Variants in GRIN2B observed in about 807,000 individuals in gnomAD.
GRIN2B encodes glutamate ionotropic receptor NMDA type subunit 2B.
GRIN2B carries 5 observed loss-of-function variants against 114.5 expected under a neutral mutation model. The observed-to-expected ratio is 0.04, with a 90% CI of 0.02 to 0.09. The LOEUF is 0.09. GRIN2B is among the 10% of genes least tolerant of loss of function. GRIN2B has a pLI of 1.00. For missense variants in GRIN2B, 1,108 were observed against 1,943.5 expected, an observed-to-expected ratio of 0.57 and a Z score of 8.08; for synonymous variants, 787 against 745.1, an observed-to-expected ratio of 1.06 and a Z score of -0.92.
At chr12:13,957,041 T>A (rs763942082) in intron 2 of GRIN2B, among the ~76,000 whole-genome samples, 2 of 152,146 alleles carry the variant, frequency 1.3e-5, no homozygotes, top group Non-Finnish European at 2.9e-5. Context: ...AAAAATAAAT[T>A]AGATTAAAAT....
In GRIN2B at chr12:13,564,933, C is replaced by T. The variant is rs1307343393; in HGVS notation, c.2599-294G>A. Among the ~76,000 whole-genome samples, 1 of 152,186 alleles carries T rather than the reference C, an allele frequency of 6.6e-6. No homozygotes were observed. The highest frequency in any genetic ancestry group is 1.5e-5 in the Non-Finnish European group (1 of 68,028). ...ATCATAAGATATGGCATTTTTGCCT[C>T]AGCTTCACTGTTGACTTACCGTGGT... On this transcript the variant is annotated intron_variant, in intron 13 of 13. Transcript: ENST00000609686. This position sits in a 1 kb window ranked among gnomAD's most constrained non-coding sequence, Gnocchi z 4.8.
At chr12:13,692,540 C>A (rs1464804951) in intron 4 of GRIN2B, among the ~76,000 whole-genome samples, 2 of 151,974 alleles carry the variant, frequency 1.3e-5, no homozygotes, top group African/African-American at 4.8e-5. Context: ...TTTCCTCCCA[C>A]ATCTCAAAGC....
intron 9 of GRIN2B, among the ~76,000 whole-genome samples, chr12:13,611,428 G>C (rs970817152): frequency 3.3e-5 from 5 of 152,186 alleles, no homozygotes; most frequent in African/African-American, 7.2e-5. Context: ...TATCAAAATA[G>C]TTTCCTGTGA....
rs1301940987 is a variant in GRIN2B at position 13,543,854 on chromosome 12, A to G, written c.*18929T>C. Reference sequence around the variant, plus strand: ...CCAGCCCACTTGCATCTGTGCCCAAATGCACTATCTCCCTGCTATTAATAC... The same window carrying G: ...CCAGCCCACTTGCATCTGTGCCCAAGTGCACTATCTCCCTGCTATTAATAC... On this transcript the variant is annotated 3_prime_UTR_variant, in exon 14 of 14. Coordinates refer to ENST00000609686, the MANE Select transcript of GRIN2B (RefSeq NM_000834.5). 1 of 152,162 alleles carries G rather than the reference A, an allele frequency of 6.6e-6. No individual in the cohort carries two copies. The highest frequency in any genetic ancestry group is 1.9e-4 in the East Asian group (1 of 5,188). The allele number at this position is 152,162 out of a possible 1,614,324, so 9.4% of individuals were successfully genotyped here.
intron 5 of GRIN2B, among the ~76,000 whole-genome samples, chr12:13,665,821 T>C (rs572362371): frequency 1.3e-5 from 2 of 152,322 alleles, no homozygotes; most frequent in East Asian, 1.9e-4. Flanking sequence ...ATCATTTATA[T>C]GTCTTTCCCA....
intron 2 of GRIN2B, among the ~76,000 whole-genome samples, chr12:13,924,941 G>T (rs990818894): frequency 9.9e-5 from 15 of 151,980 alleles, no homozygotes; most frequent in Non-Finnish European, 1.9e-4. Flanking sequence ...CACAGACATG[G>T]ACAAAACCTT....
intron 2 of GRIN2B, among the ~76,000 whole-genome samples, chr12:13,955,607 G>A (rs1867574721): frequency 6.6e-6 from 1 of 152,148 alleles, no homozygotes; most frequent in Non-Finnish European, 1.5e-5. Context: ...AGTCAGTTAT[G>A]CATCCAAATA....
intron 5 of GRIN2B, among the ~76,000 whole-genome samples, chr12:13,651,806 C>T (rs997655743): frequency 2.0e-5 from 3 of 152,094 alleles, no homozygotes; most frequent in Non-Finnish European, 2.9e-5. Context: ...AACAGATCCA[C>T]GTTTCTCTGA....
intron 2 of GRIN2B, among the ~76,000 whole-genome samples, chr12:13,940,222 C>A (rs1004325368): frequency 2.0e-5 from 3 of 152,094 alleles, no homozygotes; most frequent in African/African-American, 7.2e-5. Flanking sequence ...CCTGATGCCA[C>A]TTACACCCAC....
chr12:13,654,065 C>T (rs1949841712), intron 5 of GRIN2B, among the ~76,000 whole-genome samples: 1 of 152,104 alleles, frequency 6.6e-6, no homozygotes, highest in South Asian at 2.1e-4. Context: ...TGTACCTATG[C>T]TTCCAGTATT....
At chr12:13,879,147 G>A (rs1449542101) in intron 2 of GRIN2B, among the ~76,000 whole-genome samples, 3 of 152,144 alleles carry the variant, frequency 2.0e-5, no homozygotes, top group Non-Finnish European at 2.9e-5. Context: ...CCTAAGAAAT[G>A]CATCATTAGG....
At chr12:13,861,958 C>T (rs1160777848) in intron 3 of GRIN2B, among the ~76,000 whole-genome samples, 3 of 152,164 alleles carry the variant, frequency 2.0e-5, no homozygotes, top group Non-Finnish European at 4.4e-5. Flanking sequence ...TCCTCGACAA[C>T]CCTGTAATCA....
chr12:13,618,224 GT>G (rs1949469558), intron 5 of GRIN2B, among the ~76,000 whole-genome samples: 1 of 152,156 alleles, frequency 6.6e-6, no homozygotes, highest in African/African-American at 2.4e-5. Flanking sequence ...TCCTCTGCCA[GT>G]TTGGCCAGGT....
rs35602745 is a variant in GRIN2B, at chr12:13,543,915, CTA to C, written c.*18866_*18867del. Reference sequence around the variant, plus strand: ...GGTTAGTCCCCTGAAGCCAGTCCCTCTATGTTTGTATTGAATCCCATGCCCTC... The same window carrying C: ...GGTTAGTCCCCTGAAGCCAGTCCCTCTGTTTGTATTGAATCCCATGCCCTC... On this transcript the variant is annotated 3_prime_UTR_variant, in exon 14 of 14. Transcript: ENST00000609686. 0.29 allele frequency: 43,635 copies of C among 152,010 alleles called. 8,018 individuals are homozygous for C. The highest frequency in any genetic ancestry group is 0.48 in the Middle Eastern group (141 of 294). 9.4% of individuals were successfully genotyped at this position (152,010 alleles called of 1,614,324 possible).
chr12:13,584,101 G>A (rs920571462), intron 10 of GRIN2B, among the ~76,000 whole-genome samples: 4 of 152,154 alleles, frequency 2.6e-5, no homozygotes, highest in African/African-American at 9.7e-5. Context: ...AAGCGGCAGA[G>A]TCAGCCTCAT....
intron 3 of GRIN2B, among the ~76,000 whole-genome samples, chr12:13,863,351 A>G (rs1378466683): frequency 6.6e-6 from 1 of 152,202 alleles, no homozygotes; most frequent in Non-Finnish European, 1.5e-5. Flanking sequence ...GACATCCCCC[A>G]CAATGCCATC....
At chr12:13,965,801 T>C (rs1219044857) in intron 2 of GRIN2B, among the ~76,000 whole-genome samples, 2 of 152,194 alleles carry the variant, frequency 1.3e-5, no homozygotes, top group Non-Finnish European at 2.9e-5. Context: ...GGTAAAATGG[T>C]AATAATTGCA....
At chr12:13,790,233 ATAT>A (rs1864297545) in intron 3 of GRIN2B, among the ~76,000 whole-genome samples, 1 of 152,030 alleles carries the variant, frequency 6.6e-6, no homozygotes, top group African/African-American at 2.4e-5. Flanking sequence ...CCCTCTTTCA[ATAT>A]CACTGCAGGA....
chr12:13,748,098 G>A (rs1407321709), intron 4 of GRIN2B, among the ~76,000 whole-genome samples: 1 of 152,184 alleles, frequency 6.6e-6, no homozygotes, highest in Non-Finnish European at 1.5e-5. Context: ...GGGCCAGGAC[G>A]ATCCAGCCTT....
Sources: gnomAD v4.1 joint callset for allele counts (sites outside exome capture counted in the v4.1 genomes callset) on GRCh38, gnomAD v4.1.1 for gene constraint, Gnocchi (gnomAD v3.1) non-coding constraint, MANE v1.5 for transcripts, NCBI Gene and HGNC (gene_info 2026-07-23, HGNC 2026-07-21) for gene names.